KLHL1: variants seen among roughly 807,000 people sequenced by gnomAD.
The protein encoded by KLHL1 is kelch like family member 1.
Under a neutral mutation model 77.7 loss-of-function variants are expected in KLHL1, and 47 were observed. That is an observed-to-expected ratio of 0.60 (90% confidence interval 0.48 to 0.77). KLHL1 has a LOEUF of 0.77. Ranked by LOEUF, KLHL1 falls within the 30% of genes least tolerant of loss-of-function variation. The pLI is 0.00. For missense variants in KLHL1, 925 were observed against 910.8 expected (o/e 1.02, Z -0.20); for synonymous variants, 360 against 325.2 (o/e 1.11, Z -1.15).
intron 1 of KLHL1, among the ~76,000 whole-genome samples, chr13:70,097,264 A>C (rs747673941): frequency 6.6e-6 from 1 of 152,054 alleles, no homozygotes; most frequent in Non-Finnish European, 1.5e-5. Flanking sequence ...TGCTATATCA[A>C]GAATAGATTT....
At position 69,828,181 on chromosome 13, in the gene KLHL1, C is replaced by T. The variant is rs1038003547; in HGVS notation, c.1414+10795G>A. Among the ~76,000 whole-genome samples the T allele has an allele frequency of 2.0e-5, 3 of 150,046 alleles. 1 individual carries two copies. The highest frequency in any genetic ancestry group is 5.0e-5 in the African/African-American group (2 of 40,024). On this transcript the variant is annotated intron_variant, in intron 6 of 10. Transcript: ENST00000377844. ...TTGAAAGAAGTGGCTTGCCACAGCA[C>T]ACTCCATGAACAGCTAGAAAACTGT...
rs144624124 is a variant in KLHL1, at chr13:69,923,131, T to C, written c.1014+16909A>G. Reference sequence around the variant, plus strand: ...ACAAAGAGGTGAACTCCAGATAAAATGGGAAGAAGGTTCATCAAATGGTAA... The same window carrying C: ...ACAAAGAGGTGAACTCCAGATAAAACGGGAAGAAGGTTCATCAAATGGTAA... On this transcript the variant is annotated intron_variant, in intron 4 of 10. Transcript: ENST00000377844. Among the ~76,000 whole-genome samples, 69 of 152,118 alleles carry C rather than the reference T, an allele frequency of 4.5e-4. 1 individual carries two copies. Among genetic ancestry groups the C allele is most frequent in the African/African-American group, 1.4e-3 (60 of 41,518 alleles).
At chr13:69,879,062 G>A (rs1880880123) in intron 5 of KLHL1, among the ~76,000 whole-genome samples, 1 of 152,050 alleles carries the variant, frequency 6.6e-6, no homozygotes, top group Non-Finnish European at 1.5e-5. Flanking sequence ...GAGAACACTT[G>A]GACACAGGAA....
chr13:69,895,293 C>T (rs17085605), intron 4 of KLHL1, among the ~76,000 whole-genome samples: 2 of 151,998 alleles, frequency 1.3e-5, no homozygotes, highest in East Asian at 3.9e-4. Flanking sequence ...GAGGTTCACA[C>T]TTCTTTTCTT....
At chr13:69,771,743 C>T (rs1875578623) in intron 7 of KLHL1, among the ~76,000 whole-genome samples, 1 of 151,910 alleles carries the variant, frequency 6.6e-6, no homozygotes, top group Non-Finnish European at 1.5e-5. Flanking sequence ...ATTGAATTGT[C>T]TTATATTTTA....
rs1240623863 is a variant in KLHL1, at chr13:69,903,930, G to A, written c.1015-21435C>T. Among the ~76,000 whole-genome samples the A allele has an allele frequency of 2.6e-5, 4 of 151,630 alleles. 1 individual carries two copies. The highest frequency in any genetic ancestry group is 4.1e-4 in the South Asian group (2 of 4,820). ...GCTGGGATTACAGGCGTGAGCCACC[G>A]CGCCCGGCCCTCACATACTTGATAT... On this transcript the variant is annotated intron_variant, in intron 4 of 10. Transcript: ENST00000377844.
intron 1 of KLHL1, among the ~76,000 whole-genome samples, chr13:69,988,742 T>G (rs1265994351): frequency 6.6e-6 from 1 of 152,176 alleles, no homozygotes; most frequent in Admixed American, 6.6e-5. Context: ...ATAAGTATAT[T>G]GGCTGCAAGT....
In KLHL1 at chr13:70,034,657, T is replaced by A. The variant is rs543670536; in HGVS notation, c.498-58855A>T. On this transcript the variant is annotated intron_variant, in intron 1 of 10. Transcript: ENST00000377844. ...AAAAATGATATGCAGTGTATCTATG[T>A]GTTTGTGTAGAGGGGAAGAGGTGCA... Among the ~76,000 whole-genome samples, 34 of 152,298 alleles carry A rather than the reference T, an allele frequency of 2.2e-4. No homozygotes were observed. The South Asian group carries it at 6.4e-3, about 29-fold the overall frequency.
In KLHL1 at chr13:69,953,117, T is replaced by C. The variant is rs1252530730; in HGVS notation, c.817+8191A>G. Among the ~76,000 whole-genome samples the C allele has an allele frequency of 2.6e-5, 4 of 151,232 alleles. No homozygotes were observed. The East Asian group carries it at 7.7e-4, about 29-fold the overall frequency. Reference sequence around the variant, plus strand: ...ATGTTAATAATTGAATGTTGTAATATTTTTATGATTCTTCTTCAGATTAAT... The same window carrying C: ...ATGTTAATAATTGAATGTTGTAATACTTTTATGATTCTTCTTCAGATTAAT... On this transcript the variant is annotated intron_variant, in intron 3 of 10. Coordinates refer to ENST00000377844, the MANE Select transcript of KLHL1 (RefSeq NM_020866.3).
intron 6 of KLHL1, among the ~76,000 whole-genome samples, chr13:69,819,607 G>A (rs1450800123): frequency 6.9e-6 from 1 of 144,988 alleles, no homozygotes; most frequent in Non-Finnish European, 1.5e-5. Flanking sequence ...CATTCAACAA[G>A]GAGGTAATGC....
At chr13:69,824,067 C>CA (rs1386119419) in intron 6 of KLHL1, among the ~76,000 whole-genome samples, 1 of 151,920 alleles carries the variant, frequency 6.6e-6, no homozygotes, top group Non-Finnish European at 1.5e-5. Context: ...TTAAGTGCTG[C>CA]ATGTTCATAG....
intron 5 of KLHL1, among the ~76,000 whole-genome samples, chr13:69,854,695 T>G (rs932520365): frequency 5.3e-5 from 8 of 152,086 alleles, no homozygotes; most frequent in African/African-American, 7.2e-5. Context: ...CCATTTGCAT[T>G]TATGAGTTTC....
chr13:70,048,932 C>T (rs1236875819), intron 1 of KLHL1, among the ~76,000 whole-genome samples: 6 of 152,134 alleles, frequency 3.9e-5, no homozygotes, highest in Non-Finnish European at 7.4e-5. Flanking sequence ...TAATATTAGG[C>T]TTGAAAAATC....
intron 1 of KLHL1, among the ~76,000 whole-genome samples, chr13:70,039,212 G>A (rs889218284): frequency 6.6e-6 from 1 of 151,824 alleles, no homozygotes; most frequent in Admixed American, 6.6e-5. Flanking sequence ...GGGACTACAG[G>A]TGCACACCAG....
At chr13:69,922,612 G>A (rs1882680151) in intron 4 of KLHL1, among the ~76,000 whole-genome samples, 1 of 152,034 alleles carries the variant, frequency 6.6e-6, no homozygotes, top group Non-Finnish European at 1.5e-5. Context: ...CATTTTCATT[G>A]GAAAATGTAT....
chr13:69,704,301 A>T (rs1451540943), intron 10 of KLHL1, among the ~76,000 whole-genome samples: 1 of 151,590 alleles, frequency 6.6e-6, no homozygotes, highest in Non-Finnish European at 1.5e-5. Flanking sequence ...TACCTTACTC[A>T]ACTCTAAATC....
At position 69,932,501 on chromosome 13, in the gene KLHL1, T is replaced by C. The variant is rs529494348; in HGVS notation, c.1014+7539A>G. On this transcript the variant is annotated intron_variant, in intron 4 of 10. Coordinates refer to ENST00000377844, the MANE Select transcript of KLHL1 (RefSeq NM_020866.3). ...ACTACATCTTAAATGATTGAAATCA[T>C]TAAATATTTAGGCACTACTTATAAG... Among the ~76,000 whole-genome samples, 10 of 152,076 alleles carry C rather than the reference T, an allele frequency of 6.6e-5. No individual in the cohort carries two copies. The East Asian group carries it at 1.9e-3, about 29-fold the overall frequency.
chr13:69,747,272 A>T (rs2137941410), intron 7 of KLHL1, among the ~76,000 whole-genome samples: 1 of 152,142 alleles, frequency 6.6e-6, no homozygotes, highest in Admixed American at 6.6e-5. Context: ...CTTTATTTTT[A>T]ATGTAAACAT....
rs537312080 is a variant in KLHL1 at position 69,741,834 on chromosome 13, T to A, written c.1640-1278A>T. 1.0e-3 allele frequency among the ~76,000 whole-genome samples: 157 copies of A among 152,292 alleles called. 1 individual carries two copies. Among genetic ancestry groups the A allele is most frequent in the Non-Finnish European group, 1.8e-3 (121 of 68,020 alleles). On this transcript the variant is annotated intron_variant, in intron 7 of 10. Coordinates refer to ENST00000377844, the MANE Select transcript of KLHL1 (RefSeq NM_020866.3). ...GAGCTGCAGTTCCTTTGAAATTTAG[T>A]CATTAAGATATTCTATCTCCCAGAC...
Sources: gnomAD v4.1 joint callset for allele counts (sites outside exome capture counted in the v4.1 genomes callset) on GRCh38, gnomAD v4.1.1 for gene constraint, MANE v1.5 for transcripts, NCBI Gene and HGNC (gene_info 2026-07-23, HGNC 2026-07-21) for gene names.